UBE2R2: variants seen among roughly 807,000 people sequenced by gnomAD.
UBE2R2 encodes the protein ubiquitin conjugating enzyme E2 R2.
A neutral mutation model predicts 27.8 loss-of-function variants in UBE2R2; 1 was observed. That is an observed-to-expected ratio of 0.04 (90% CI 0.01 to 0.17). The LOEUF (loss-of-function observed/expected upper bound fraction) is 0.17, where lower values mean the gene tolerates loss of function less well. Ranked by LOEUF, UBE2R2 falls within the 10% of genes least tolerant of loss-of-function variation. UBE2R2 has a pLI of 1.00. For missense variants in UBE2R2, 100 were observed against 291.0 expected (o/e 0.34, Z 4.78); for synonymous variants, 106 against 113.3 (o/e 0.94, Z 0.41).
chr9:33,903,510 A>G lies in UBE2R2; in HGVS notation c.362+3239A>G, dbSNP rs546357444. The stretch of plus-strand genomic sequence containing the variant: ...GCATTTTTATGCTGCTTGGCTGGAT[A>G]ATGTATTGCCACCACCCATGGGAAT... On this transcript the variant is annotated intron_variant, in intron 3 of 4. Transcript: ENST00000263228. 9.2e-5 allele frequency among the ~76,000 whole-genome samples: 14 copies of G among 152,328 alleles called. No homozygotes were observed. In the South Asian group the frequency reaches 2.7e-3, roughly 29 times the overall value.
chr9:33,909,106 T>A (rs1822428504), intron 3 of UBE2R2, among the ~76,000 whole-genome samples: 1 of 152,110 alleles, frequency 6.6e-6, no homozygotes, highest in South Asian at 2.1e-4. Flanking sequence ...GTTACTGTAT[T>A]GCACAGCATA....
intron 1 of UBE2R2, among the ~76,000 whole-genome samples, chr9:33,827,970 CA>C (rs200334146): frequency 9.1e-5 from 13 of 143,228 alleles, no homozygotes; most frequent in Admixed American, 2.1e-4. Context: ...GACTCCCTCT[CA>C]AAAAAAAAAT....
At chr9:33,859,797 T>A (rs992751425) in intron 1 of UBE2R2, among the ~76,000 whole-genome samples, 884 of 78,264 alleles carry the variant, frequency 0.011, 7 homozygotes, top group African/African-American at 0.04. Context: ...TGTGTGTGTG[T>A]GTGAGAGAGA....
chr9:33,860,399 C>G (rs1255671585), intron 1 of UBE2R2, among the ~76,000 whole-genome samples: 4 of 152,184 alleles, frequency 2.6e-5, no homozygotes, highest in African/African-American at 9.6e-5. Flanking sequence ...TGACCTGTTA[C>G]TACGCCCTAC....
intron 1 of UBE2R2, among the ~76,000 whole-genome samples, chr9:33,841,841 A>G (rs1045837973): frequency 2.0e-5 from 3 of 152,196 alleles, no homozygotes; most frequent in Non-Finnish European, 4.4e-5. Context: ...CAGAATAGCA[A>G]TACTAATAAT....
At chr9:33,866,593 A>G (rs911938138) in intron 1 of UBE2R2, among the ~76,000 whole-genome samples, 19 of 152,162 alleles carry the variant, frequency 1.2e-4, no homozygotes, top group Non-Finnish European at 2.4e-4. Flanking sequence ...TGTGTCATAA[A>G]TATAGCAGTT....
chr9:33,889,102 T>C (rs1821925061), intron 2 of UBE2R2, among the ~76,000 whole-genome samples: 1 of 152,256 alleles, frequency 6.6e-6, no homozygotes, highest in Non-Finnish European at 1.5e-5. Flanking sequence ...ATCTTCCTTT[T>C]GTAGGAAAGA....
intron 1 of UBE2R2, among the ~76,000 whole-genome samples, chr9:33,838,165 T>A (rs1482137376): frequency 1.3e-5 from 2 of 151,858 alleles, no homozygotes; most frequent in Non-Finnish European, 2.9e-5. Context: ...TTTTAATTTA[T>A]TTTTTTGAGA....
chr9:33,824,672 C>G (rs984446722), intron 1 of UBE2R2, among the ~76,000 whole-genome samples: 5 of 143,152 alleles, frequency 3.5e-5, no homozygotes, highest in African/African-American at 2.6e-5. Context: ...GTGTGATGGT[C>G]CGCACCTGCA....
chr9:33,870,344 A>G (rs758759749), intron 1 of UBE2R2, among the ~76,000 whole-genome samples: 14 of 151,562 alleles, frequency 9.2e-5, no homozygotes, highest in African/African-American at 2.7e-4. Flanking sequence ...GGTTTCACCA[A>G]GTTGGCCAGG....
At chr9:33,912,924 C>T (rs371902685) in intron 4 of UBE2R2, among the ~76,000 whole-genome samples, 15 of 152,046 alleles carry the variant, frequency 9.9e-5, no homozygotes, top group African/African-American at 2.9e-4. Context: ...CCCTACACTT[C>T]CCCTACCCTC....
chr9:33,890,355 T>C (rs1480539660), intron 2 of UBE2R2, among the ~76,000 whole-genome samples: 1 of 151,742 alleles, frequency 6.6e-6, no homozygotes, highest in Non-Finnish European at 1.5e-5. Context: ...AAGGCTGAGT[T>C]GAGGAGTTCA....
intron 1 of UBE2R2, among the ~76,000 whole-genome samples, chr9:33,862,353 C>T (rs149259757): frequency 1.3e-5 from 2 of 152,116 alleles, no homozygotes; most frequent in African/African-American, 4.8e-5. Flanking sequence ...GAACTTCTTT[C>T]GTTATGTTAG....
intron 2 of UBE2R2, among the ~76,000 whole-genome samples, chr9:33,890,515 C>T (rs745538548): frequency 1.3e-5 from 2 of 151,646 alleles, no homozygotes; most frequent in Non-Finnish European, 2.9e-5. Flanking sequence ...TTGCAGTGAG[C>T]TGAGATCGAG....
chr9:33,850,485 C>T (rs976332955), intron 1 of UBE2R2, among the ~76,000 whole-genome samples: 11 of 152,046 alleles, frequency 7.2e-5, no homozygotes, highest in Admixed American at 2.0e-4. Flanking sequence ...GCTGAACAGA[C>T]GAGCCTACCA....
At chr9:33,815,469 GCA>G (rs1825732135), upstream of UBE2R2, among the ~76,000 whole-genome samples, 1 of 152,236 alleles carries the variant, frequency 6.6e-6, no homozygotes, top group South Asian at 2.1e-4. Flanking sequence ...CCTTGGCTGG[GCA>G]CAGTGGCTCA....
chr9:33,886,881 G>A lies in UBE2R2; in HGVS notation c.178G>A (p.Ala60Thr), dbSNP rs1249869746. The A allele has an allele frequency of 1.3e-6, 2 of 1,576,746 alleles. No individual in the cohort carries two copies. The highest frequency in any genetic ancestry group is 2.3e-5 in the East Asian group (1 of 44,016). The change falls in exon 2 of 5, where the codon GCG becomes ACG. Residue 60 changes from alanine to threonine, a missense_variant and splice_region_variant. By Grantham distance (58) the Ala-to-Thr change is moderately conservative (BLOSUM62 0). Coordinates refer to ENST00000263228, the MANE Select transcript of UBE2R2 (RefSeq NM_017811.4). Reference sequence around the variant, plus strand: ...AGCATTTCATTTTTTTTCTTTTCAGGCGCATATTAAATTTCCTATTGACTA... The same window carrying A: ...AGCATTTCATTTTTTTTCTTTTCAGACGCATATTAAATTTCCTATTGACTA... ...NTLYEGGYFK[A>T]HIKFPIDYPY... is the part of the protein sequence containing the mutation.
intron 3 of UBE2R2, among the ~76,000 whole-genome samples, chr9:33,902,630 A>G (rs1347943729): frequency 6.6e-6 from 1 of 152,190 alleles, no homozygotes; most frequent in Non-Finnish European, 1.5e-5. Context: ...GTAGTACATA[A>G]TTTATCTTGG....
chr9:33,904,466 C>A (rs537959916), intron 3 of UBE2R2, among the ~76,000 whole-genome samples: 1 of 152,168 alleles, frequency 6.6e-6, no homozygotes, highest in South Asian at 2.1e-4. Context: ...TCCATATTCA[C>A]GTATTTGGTT....
Sources: allele counts gnomAD v4.1 joint callset (sites outside exome capture counted in the v4.1 genomes callset), GRCh38; gene constraint gnomAD v4.1.1; transcripts MANE v1.5; gene names NCBI Gene and HGNC (gene_info 2026-07-23, HGNC 2026-07-21).